The following EPHB2 variants were observed in gnomAD, a reference collection of about 807,000 sequenced individuals.
EPHB2 encodes ephrin type-B receptor 2.
EPHB2 carries 18 observed loss-of-function variants against 96.4 expected under a neutral mutation model. That is an observed-to-expected ratio of 0.19 (90% CI 0.13 to 0.28). EPHB2 has a LOEUF of 0.28. EPHB2 is among the 10% of genes least tolerant of loss of function. The pLI is 1.00. For synonymous variants in EPHB2, 506 were observed against 534.1 expected, an observed-to-expected ratio of 0.95 and a Z score of 0.72; for missense variants, 989 against 1,355.4, an observed-to-expected ratio of 0.73 and a Z score of 4.25.
chr1:22,818,800 A>T (rs973370318), intron 3 of EPHB2, among the ~76,000 whole-genome samples: 1 of 148,078 alleles, frequency 6.8e-6, no homozygotes, highest in Non-Finnish European at 1.5e-5. Context: ...TCCCTTAACC[A>T]CTCCCTCCCC....
At position 22,784,497 on chromosome 1, in the gene EPHB2, A is replaced by G. The variant is rs758480347; in HGVS notation, c.232A>G (p.Ile78Val). ...SQNNWLRTKF[I>V]RRRGAHRIHV... Reference sequence around the variant, plus strand: ...GAACAACTGGCTACGGACCAAGTTTATCCGGCGCCGTGGCGCCCACCGCAT... The same window carrying G: ...GAACAACTGGCTACGGACCAAGTTTGTCCGGCGCCGTGGCGCCCACCGCAT... The change falls in exon 3 of 16, where the codon ATC becomes GTC. Residue 78 changes from isoleucine (I) to valine (V), a missense_variant. Ile to Val is a conservative substitution (Grantham distance 29). Transcript: ENST00000374630. This position sits in a 1 kb window ranked among gnomAD's most constrained non-coding sequence, Gnocchi z 5.1. The G allele has an allele frequency of 3.3e-5, 53 of 1,613,616 alleles. 1 individual carries two copies. The South Asian group carries it at 5.7e-4, about 17-fold the overall frequency.
At chr1:22,771,066 C>A (rs945677001) in intron 1 of EPHB2, among the ~76,000 whole-genome samples, 1 of 152,004 alleles carries the variant, frequency 6.6e-6, no homozygotes, top group African/African-American at 2.4e-5. Context: ...GCTCAGACAC[C>A]CAGAATGATG....
intron 8 of EPHB2, among the ~76,000 whole-genome samples, chr1:22,896,025 G>A (rs1033970062): frequency 1.3e-5 from 2 of 152,240 alleles, no homozygotes; most frequent in African/African-American, 4.8e-5. Context: ...AGGCAAGAGG[G>A]TGGGGCCAGT....
intron 3 of EPHB2, among the ~76,000 whole-genome samples, chr1:22,794,543 A>G (rs1355002674): frequency 1.3e-5 from 2 of 151,804 alleles, no homozygotes; most frequent in African/African-American, 4.8e-5. Flanking sequence ...CCAATGTCAC[A>G]CCCCTCTTAG....
At chr1:22,808,439 C>A (rs1461301458) in intron 3 of EPHB2, among the ~76,000 whole-genome samples, 1 of 152,210 alleles carries the variant, frequency 6.6e-6, no homozygotes, top group Admixed American at 6.5e-5. Context: ...TCTCCCTTCC[C>A]GGGCACAGGG....
chr1:22,729,733 A>G (rs954836497), intron 1 of EPHB2, among the ~76,000 whole-genome samples: 4 of 152,232 alleles, frequency 2.6e-5, no homozygotes, highest in South Asian at 2.1e-4. Context: ...ATTTGTCAAC[A>G]TCATAATTTT....
chr1:22,743,174 G>A (rs1643925680), intron 1 of EPHB2, among the ~76,000 whole-genome samples: 2 of 152,036 alleles, frequency 1.3e-5, no homozygotes, highest in Non-Finnish European at 2.9e-5. Context: ...GTACAAGCAT[G>A]AGCCCCTACA....
intron 5 of EPHB2, among the ~76,000 whole-genome samples, chr1:22,871,852 C>T (rs1638679747): frequency 6.6e-6 from 1 of 152,054 alleles, no homozygotes; most frequent in South Asian, 2.1e-4. Context: ...CCCATCTCTA[C>T]TAAAATTACA....
chr1:22,753,683 T>A (rs932863235), intron 1 of EPHB2, among the ~76,000 whole-genome samples: 1 of 151,328 alleles, frequency 6.6e-6, no homozygotes, highest in Non-Finnish European at 1.5e-5. Context: ...GAGATGAGGC[T>A]GCTGAGTGGA....
intron 1 of EPHB2, among the ~76,000 whole-genome samples, chr1:22,713,518 G>A (rs919704584): frequency 6.6e-5 from 10 of 152,206 alleles, no homozygotes; most frequent in African/African-American, 2.4e-4. Flanking sequence ...CAGACCAGAT[G>A]ATGGGTGGGA....
In EPHB2 at chr1:22,913,270, G is replaced by A. The variant is rs543462478; in HGVS notation, c.2853-192G>A. 83 of 681,358 alleles carry A rather than the reference G, an allele frequency of 1.2e-4. No homozygotes were observed. Among genetic ancestry groups the A allele is most frequent in the Admixed American group, 9.7e-4 (42 of 43,184 alleles). The allele number at this position is 681,358 out of a possible 1,614,324, so 42.2% of individuals were successfully genotyped here. A position where few individuals can be genotyped will look rare whatever the true frequency, so the allele number is the denominator to read the frequency against. ...AAGGCCCCCTAGGGACCCTGATTCC[G>A]ACTCAAGTGCTCTTCCACCTCACAC... On this transcript the variant is annotated intron_variant, in intron 15 of 15. Transcript: ENST00000374630. This position sits in a 1 kb window ranked among gnomAD's most constrained non-coding sequence, Gnocchi z 4.1.
intron 1 of EPHB2, among the ~76,000 whole-genome samples, chr1:22,756,423 G>A (rs1255632964): frequency 2.0e-5 from 3 of 152,108 alleles, no homozygotes; most frequent in African/African-American, 7.2e-5. Context: ...ATGGTCCTGG[G>A]CCCTGACCCG....
chr1:22,773,569 A>G (rs1644407502), intron 1 of EPHB2, among the ~76,000 whole-genome samples: 1 of 152,082 alleles, frequency 6.6e-6, no homozygotes, highest in African/African-American at 2.4e-5. Context: ...TTCAGCTTCA[A>G]CCCTTCCCCC....
At chr1:22,748,951 G>A (rs754938432) in intron 1 of EPHB2, among the ~76,000 whole-genome samples, 1 of 150,634 alleles carries the variant, frequency 6.6e-6, no homozygotes, top group Non-Finnish European at 1.5e-5. Context: ...TAGGCTACAC[G>A]TCATGGGCCC....
chr1:22,726,414 CTTTTT>C (rs896855971), intron 1 of EPHB2, among the ~76,000 whole-genome samples: 3 of 69,560 alleles, frequency 4.3e-5, no homozygotes, highest in East Asian at 1.0e-3. Context: ...GTTTCTTTTT[CTTTTT>C]TTTTCTTTTT....
At position 22,920,040 on chromosome 1, in the gene EPHB2, C is replaced by CTAAGAAAAG; in HGVS notation, c.*6471_*6479dup. 1 of 151,980 alleles carries CTAAGAAAAG rather than the reference C, an allele frequency of 6.6e-6. No individual in the cohort carries two copies. The highest frequency in any genetic ancestry group is 2.1e-4 in the South Asian group (1 of 4,818). The allele number at this position is 151,980 out of a possible 1,614,324, so 9.4% of individuals were successfully genotyped here. ...GGAGGGAGACAGCTGAAAACAGATA[C>CTAAGAAAAG]TAAGAAAAGCTCCATCCCTTGGATC... On this transcript the variant is annotated 3_prime_UTR_variant, in exon 16 of 16. Transcript: ENST00000374630.
In EPHB2 at chr1:22,892,902, G is replaced by A. The variant is rs576616864; in HGVS notation, c.1447G>A (p.Ala483Thr). The A allele has an allele frequency of 1.4e-5, 23 of 1,614,014 alleles. No individual in the cohort carries two copies. The highest frequency in any genetic ancestry group is 1.7e-4 in the Middle Eastern group (1 of 6,060). Reference protein sequence around the residue: ...YYEKELSEYNATAIKSPTNTV... With the variant: ...YYEKELSEYNTTAIKSPTNTV... Reference sequence around the variant, plus strand: ...TCGGCAGGAGCTCAGTGAGTACAACGCCACAGCCATAAAAAGCCCCACCAA... The same window carrying A: ...TCGGCAGGAGCTCAGTGAGTACAACACCACAGCCATAAAAAGCCCCACCAA... Residue 483 changes from alanine (A) to threonine (T), a missense_variant, in exon 7 of 16, where the codon GCC (alanine) becomes ACC (threonine). Coordinates refer to ENST00000374630, the MANE Select transcript of EPHB2 (RefSeq NM_017449.5).
intron 9 of EPHB2, 108 bp downstream of exon 9, chr1:22,896,586 A>G (rs1031995331): frequency 1.9e-5 from 27 of 1,439,490 alleles, no homozygotes; most frequent in Non-Finnish European, 2.6e-5. Flanking sequence ...CAGGCAGACA[A>G]TGTCAAGTGG....
At chr1:22,754,043 C>T (rs1644105614) in intron 1 of EPHB2, among the ~76,000 whole-genome samples, 1 of 152,156 alleles carries the variant, frequency 6.6e-6, no homozygotes. Context: ...CCCTGGGGTT[C>T]CAGGCCGCTG....
Sources: gnomAD v4.1 joint callset for allele counts (sites outside exome capture counted in the v4.1 genomes callset) on GRCh38, gnomAD v4.1.1 for gene constraint, Gnocchi (gnomAD v3.1) non-coding constraint, MANE v1.5 for transcripts, NCBI Gene and HGNC (gene_info 2026-07-23, HGNC 2026-07-21) for gene names.